Variants in C1orf21 observed in about 807,000 individuals in gnomAD.
C1orf21 encodes the protein uncharacterized protein C1orf21.
In C1orf21, 3 loss-of-function variants were observed where a neutral mutation model predicts 18.7. The ratio of observed to expected loss-of-function variants is 0.16; its 90% CI spans 0.07 to 0.42. The LOEUF (loss-of-function observed/expected upper bound fraction) is 0.42. C1orf21 is among the 10% of genes least tolerant of loss of function. The probability of loss-of-function intolerance (pLI) is 0.99; values close to 1 mark genes in which losing one functional copy is unlikely to be tolerated. For missense variants in C1orf21, 104 were observed against 143.6 expected (o/e 0.72, Z 1.41); for synonymous variants, 41 against 46.4 (o/e 0.88, Z 0.47).
intron 1 of C1orf21, among the ~76,000 whole-genome samples, chr1:184,464,716 GA>G (rs1657361586): frequency 6.6e-6 from 1 of 152,194 alleles, no homozygotes; most frequent in Non-Finnish European, 1.5e-5. Context: ...CTTCCTCCTG[GA>G]AAAATATAGC....
rs1282175689 is a variant in C1orf21 at position 184,587,525 on chromosome 1, TG to T, written c.190-3213del. 8.5e-4 allele frequency among the ~76,000 whole-genome samples: 6 copies of T among 7,030 alleles called. No homozygotes were observed. In the African/African-American group the frequency reaches 0.017, roughly 20 times the overall value. 4.6% of individuals were successfully genotyped at this position (7,030 alleles called of 152,430 possible). Reference sequence around the variant, plus strand: ...CCTGCTTAGCTGTGTTCCTAGGAATTGTGTGTGTGTGTGTGTGTGTGTGTGT... The same window carrying T: ...CCTGCTTAGCTGTGTTCCTAGGAATTTGTGTGTGTGTGTGTGTGTGTGTGT... On this transcript the variant is annotated intron_variant, in intron 3 of 5. Transcript: ENST00000235307.
At chr1:184,618,371 G>A (rs996141389) in intron 5 of C1orf21, among the ~76,000 whole-genome samples, 14 of 152,138 alleles carry the variant, frequency 9.2e-5, no homozygotes, top group Admixed American at 2.6e-4. Flanking sequence ...TTTTACAGAT[G>A]AAGAAACTGA....
At chr1:184,423,954 A>G (rs1167855633) in intron 1 of C1orf21, among the ~76,000 whole-genome samples, 4 of 152,072 alleles carry the variant, frequency 2.6e-5, no homozygotes, top group African/African-American at 7.2e-5. Flanking sequence ...AGGTGCTGGC[A>G]ACGTAAAGTT....
intron 1 of C1orf21, among the ~76,000 whole-genome samples, chr1:184,404,460 C>T (rs1486569174): frequency 1.3e-5 from 2 of 152,106 alleles, no homozygotes; most frequent in Non-Finnish European, 2.9e-5. Context: ...TCCTTGAATG[C>T]TGCATCCTCC....
At chr1:184,555,868 G>A (rs947208895) in intron 3 of C1orf21, among the ~76,000 whole-genome samples, 2 of 152,146 alleles carry the variant, frequency 1.3e-5, no homozygotes, top group African/African-American at 4.8e-5. Flanking sequence ...TTACCTCTGC[G>A]AGGATCCGCC....
At chr1:184,535,097 T>C (rs1166042762) in intron 3 of C1orf21, among the ~76,000 whole-genome samples, 1 of 149,996 alleles carries the variant, frequency 6.7e-6, no homozygotes, top group African/African-American at 2.4e-5. Context: ...ATTTGAAACA[T>C]TAACTGGCAT....
Position 184,625,600 on chromosome 1 carries a change from C to G in C1orf21, c.*6044C>G, listed in dbSNP as rs1232972165. ...GATACGTGGAGAAAGGAAATTTACT[C>G]TATCATTGCAATACTTCAAGAAAGA... On this transcript the variant is annotated 3_prime_UTR_variant, in exon 6 of 6. Transcript: ENST00000235307. The G allele has an allele frequency of 6.6e-6, 1 of 152,574 alleles. No individual in the cohort carries two copies. Among genetic ancestry groups the G allele is most frequent in the Non-Finnish European group, 1.5e-5 (1 of 68,042 alleles). The allele number at this position is 152,574 out of a possible 1,614,324, so 9.5% of individuals were successfully genotyped here.
chr1:184,406,195 GAATAA>G (rs1656246691), intron 1 of C1orf21, among the ~76,000 whole-genome samples: 2 of 152,078 alleles, frequency 1.3e-5, no homozygotes, highest in Admixed American at 1.3e-4. Flanking sequence ...GAACTCAATA[GAATAA>G]AATAAACTCC....
At chr1:184,421,947 T>A (rs969243052) in intron 1 of C1orf21, among the ~76,000 whole-genome samples, 1 of 152,232 alleles carries the variant, frequency 6.6e-6, no homozygotes. Context: ...CATGTGGATA[T>A]CTGTTCATTT....
intron 3 of C1orf21, among the ~76,000 whole-genome samples, chr1:184,586,864 A>G (rs1036266845): frequency 2.6e-5 from 4 of 152,050 alleles, no homozygotes; most frequent in African/African-American, 9.7e-5. Flanking sequence ...GTCCATTCCT[A>G]TGTCCAAAAT....
At chr1:184,403,089 A>G (rs1342841326) in intron 1 of C1orf21, among the ~76,000 whole-genome samples, 3 of 152,208 alleles carry the variant, frequency 2.0e-5, no homozygotes. Context: ...TTTCTTTACC[A>G]GTTGGATTGT....
chr1:184,411,587 A>ATT (rs60814434), intron 1 of C1orf21, among the ~76,000 whole-genome samples: 156 of 151,252 alleles, frequency 1.0e-3, no homozygotes, highest in African/African-American at 3.5e-3. Context: ...ACGCCTGGCT[A>ATT]TTTTTTTTGT....
chr1:184,552,321 T>A (rs1332192489), intron 3 of C1orf21, among the ~76,000 whole-genome samples: 2 of 152,232 alleles, frequency 1.3e-5, no homozygotes, highest in African/African-American at 2.4e-5. Context: ...GTATATAGTT[T>A]AAAAATGCAG....
At chr1:184,439,362 A>G (rs951512790) in intron 1 of C1orf21, among the ~76,000 whole-genome samples, 1 of 150,676 alleles carries the variant, frequency 6.6e-6, no homozygotes, top group Admixed American at 6.7e-5. Context: ...TACTCTCTTG[A>G]GACCCTGGTT....
At chr1:184,389,337 A>G (rs1655935434) in intron 1 of C1orf21, among the ~76,000 whole-genome samples, 1 of 152,200 alleles carries the variant, frequency 6.6e-6, no homozygotes, top group Admixed American at 6.5e-5. Flanking sequence ...GAGGTCTCAC[A>G]TCCTCCAGTG....
At chr1:184,477,077 A>G (rs1330430228) in intron 1 of C1orf21, among the ~76,000 whole-genome samples, 2 of 152,184 alleles carry the variant, frequency 1.3e-5, no homozygotes, top group South Asian at 2.1e-4. Context: ...CTTTAAGAGT[A>G]TGTATGGCAA....
In C1orf21 at chr1:184,411,588, T is replaced by A. The variant is rs978238628; in HGVS notation, c.-125+24220T>A. Among the ~76,000 whole-genome samples the A allele has an allele frequency of 2.1e-5, 3 of 145,918 alleles. 1 individual carries two copies. Among genetic ancestry groups the A allele is most frequent in the Non-Finnish European group, 4.4e-5 (3 of 67,698 alleles). ...AGGCGCCCGCCATCACGCCTGGCTA[T>A]TTTTTTTGTATTTTTAATAGAGACA... is the stretch of plus-strand genomic sequence containing the variant. On this transcript the variant is annotated intron_variant, in intron 1 of 5. Coordinates refer to ENST00000235307, the MANE Select transcript of C1orf21 (RefSeq NM_030806.4).
In C1orf21 at chr1:184,413,180, A is replaced by C. The variant is rs1434520160; in HGVS notation, c.-125+25812A>C. Among the ~76,000 whole-genome samples, 3 of 152,150 alleles carry C rather than the reference A, an allele frequency of 2.0e-5. No homozygotes were observed. In the East Asian group the frequency reaches 5.8e-4, roughly 29 times the overall value. ...GGTAATCCTGCAGTGTCCACCATGA[A>C]GTTTCTTCATTTCTTCAAGGGAAGG... is the stretch of plus-strand genomic sequence containing the variant. On this transcript the variant is annotated intron_variant, in intron 1 of 5. Coordinates refer to ENST00000235307, the MANE Select transcript of C1orf21 (RefSeq NM_030806.4).
chr1:184,410,617 TTATATATATATATATATATATATATA>T (rs1162356586), intron 1 of C1orf21, among the ~76,000 whole-genome samples: 1 of 21,156 alleles, frequency 4.7e-5, no homozygotes, highest in South Asian at 1.6e-3. Context: ...GCCATATATA[TTATATATATATATATATATATATATA>T]TATATATATA....
Sources: allele counts gnomAD v4.1 joint callset (sites outside exome capture counted in the v4.1 genomes callset), GRCh38; gene constraint gnomAD v4.1.1; transcripts MANE v1.5; gene names NCBI Gene and HGNC (gene_info 2026-07-23, HGNC 2026-07-21).